Variants in ZYG11A observed in about 807,000 individuals in gnomAD.
The protein encoded by ZYG11A is protein zyg-11 homolog A.
Under a neutral mutation model 77.2 loss-of-function variants are expected in ZYG11A, and 62 were observed. The ratio of observed to expected loss-of-function variants is 0.80; its 90% CI spans 0.65 to 0.99. ZYG11A has a LOEUF of 0.99. ZYG11A is among the 50% of genes least tolerant of loss of function. The pLI, the probability that ZYG11A is intolerant of heterozygous loss-of-function variation, is 0.00. For missense variants in ZYG11A, 828 were observed against 896.8 expected, an observed-to-expected ratio of 0.92 and a Z score of 0.98; for synonymous variants, 315 against 324.6, an observed-to-expected ratio of 0.97 and a Z score of 0.32.
intron 4 of ZYG11A, among the ~76,000 whole-genome samples, chr1:52,862,292 G>A (rs72897312): frequency 0.018 from 2,799 of 151,350 alleles, 59 homozygotes; most frequent in African/African-American, 0.063. Flanking sequence ...GGAGGACTAC[G>A]TGAGCCCAGG....
Position 52,867,876 on chromosome 1 carries a change from G to A in ZYG11A, c.1542+99G>A, listed in dbSNP as rs978366967. The A allele has an allele frequency of 7.0e-6, 7 of 1,005,548 alleles. No individual in the cohort carries two copies. In the South Asian group the frequency reaches 9.4e-5, roughly 13 times the overall value. 62.3% of individuals were successfully genotyped at this position (1,005,548 alleles called of 1,614,324 possible). On this transcript the variant is annotated intron_variant, in intron 8 of 13. Transcript: ENST00000371528. ...CAAATCATTCCAAAAGGCCTATTAA[G>A]GTGAGAAATCTGTAAGACTTTCTCC...
Position 52,886,946 on chromosome 1 carries a change from T to C in ZYG11A, c.2007-10T>C, listed in dbSNP as rs767173137. On this transcript the variant is annotated splice_polypyrimidine_tract_variant and intron_variant, in intron 12 of 13. Coordinates refer to ENST00000371528, the MANE Select transcript of ZYG11A (RefSeq NM_001004339.3). ...CTGGATTAACATCTTTGTACTTTTT[T>C]TTGTTTTAGATCTTTCAAGACATTT... 1 of 1,498,262 alleles carries C rather than the reference T, an allele frequency of 6.7e-7. No homozygotes were observed. The highest frequency in any genetic ancestry group is 9.1e-7 in the Non-Finnish European group (1 of 1,099,726). The allele number at this position is 1,498,262 out of a possible 1,614,324, so 92.8% of individuals were successfully genotyped here. A position where few individuals can be genotyped will look rare whatever the true frequency, so the allele number is the denominator to read the frequency against.
chr1:52,873,077 T>TG (rs1463963424), intron 8 of ZYG11A, among the ~76,000 whole-genome samples: 1 of 151,860 alleles, frequency 6.6e-6, no homozygotes, highest in Non-Finnish European at 1.5e-5. Context: ...CCTAGCACTT[T>TG]GGGAGGCCAA....
chr1:52,872,158 A>G (rs539199171), intron 8 of ZYG11A, among the ~76,000 whole-genome samples: 45 of 151,920 alleles, frequency 3.0e-4, no homozygotes, highest in African/African-American at 9.7e-4. Flanking sequence ...AGAGTCTGCA[A>G]TGGCTCAATC....
At position 52,864,064 on chromosome 1, in the gene ZYG11A, C is replaced by A; in HGVS notation, c.1233C>A (p.Arg411=). 1 of 1,551,880 alleles carries A rather than the reference C, an allele frequency of 6.4e-7. No homozygotes were observed. Among genetic ancestry groups the A allele is most frequent in the South Asian group, 1.2e-5 (1 of 84,064 alleles). The part of the protein sequence containing the change: ...TASACALNLT[R]QGLAKGMPVR... ...GTGCTTGCGCTCTCAACCTAACACG[C>A]CAGGGCCTGGCCAAGGGGATGCCTG... The change falls in exon 5 of 14, where the codon CGC becomes CGA. Residue 411 remains arginine (R), a synonymous_variant. Transcript: ENST00000371528.
chr1:52,855,193 GTAGTCTTGTTT>G (rs71044430), intron 2 of ZYG11A, among the ~76,000 whole-genome samples: 71,412 of 151,436 alleles, frequency 0.47, 18,203 homozygotes, highest in Non-Finnish European at 0.59. Context: ...TGCTCTTGCT[GTAGTCTTGTTT>G]ACCATTCTTT....
chr1:52,893,816 T>C lies in ZYG11A; in HGVS notation c.*859T>C, dbSNP rs1328891539. On this transcript the variant is annotated 3_prime_UTR_variant, in exon 14 of 14. Transcript: ENST00000371528. ...GAAATATATTTTTTTACCTTTTTTT[T>C]TTTTTTTTTTTTTGTGACGGAATCT... The C allele has an allele frequency of 1.4e-5, 2 of 141,186 alleles. No individual in the cohort carries two copies. Among genetic ancestry groups the C allele is most frequent in the Non-Finnish European group, 3.1e-5 (2 of 64,650 alleles). The allele number at this position is 141,186 out of a possible 1,614,324, so 8.7% of individuals were successfully genotyped here.
Position 52,857,691 on chromosome 1 carries a change from G to A in ZYG11A, c.950G>A (p.Gly317Glu). ...IRLRPAMQFV[G>E]LLATDAGSSD... The stretch of plus-strand genomic sequence containing the variant: ...CTGCGGCCTGCCATGCAATTTGTGG[G>A]ACTATTGGCCACGGATGCTGGCTCT... The change falls in exon 3 of 14, where the codon GGA becomes GAA. Residue 317 changes from glycine to glutamate, a missense_variant. Transcript: ENST00000371528. 6.4e-7 allele frequency: 1 copy of A among 1,552,174 alleles called. No homozygotes were observed.
intron 8 of ZYG11A, among the ~76,000 whole-genome samples, chr1:52,874,602 C>T (rs1402764304): frequency 1.7e-4 from 26 of 152,146 alleles, no homozygotes; most frequent in Admixed American, 1.7e-3. Flanking sequence ...TGTGGTGGCT[C>T]ATGCCTGTAA....
chr1:52,845,537 T>G (rs1212177633), intron 1 of ZYG11A, among the ~76,000 whole-genome samples: 1 of 151,994 alleles, frequency 6.6e-6, no homozygotes, highest in Non-Finnish European at 1.5e-5. Flanking sequence ...TTGCCCAGGC[T>G]GGTCCTGAAC....
chr1:52,861,485 G>A lies in ZYG11A; in HGVS notation c.1149+614G>A, dbSNP rs188265751. Among the ~76,000 whole-genome samples the A allele has an allele frequency of 2.5e-3, 383 of 152,064 alleles. 2 individuals carry two copies. The highest frequency in any genetic ancestry group is 8.8e-3 in the African/African-American group (366 of 41,502). On this transcript the variant is annotated intron_variant, in intron 4 of 13. Transcript: ENST00000371528. ...TGGGAGGCCGAAGCGGGTGGATCAC[G>A]AGGTCAAGAGATTGAGACCATCCTG...
chr1:52,886,084 C>T (rs1391264902), intron 12 of ZYG11A, among the ~76,000 whole-genome samples, 190 bp downstream of exon 12: 3 of 152,130 alleles, frequency 2.0e-5, no homozygotes, highest in Non-Finnish European at 4.4e-5. Flanking sequence ...AGGCACCCGC[C>T]ACCATGCCCG....
intron 3 of ZYG11A, among the ~76,000 whole-genome samples, chr1:52,858,124 T>C (rs1376661685): frequency 6.7e-6 from 1 of 149,792 alleles, no homozygotes; most frequent in African/African-American, 2.4e-5. Flanking sequence ...AGGCTGGGCA[T>C]GGTGGCTCAC....
At chr1:52,868,199 C>T (rs913849866) in intron 8 of ZYG11A, among the ~76,000 whole-genome samples, 3 of 151,696 alleles carry the variant, frequency 2.0e-5, no homozygotes, top group Non-Finnish European at 2.9e-5. Flanking sequence ...CTCCTGACCT[C>T]GTGATCTGCG....
intron 11 of ZYG11A, among the ~76,000 whole-genome samples, chr1:52,884,436 C>T (rs1646412528): frequency 6.7e-6 from 1 of 148,864 alleles, no homozygotes; most frequent in African/African-American, 2.5e-5. Flanking sequence ...GTGGAGCTTG[C>T]AGTGAGCCGA....
intron 12 of ZYG11A, 26 bp from the exon 13 acceptor site, chr1:52,886,930 C>T (rs751372561): frequency 3.5e-5 from 44 of 1,269,424 alleles, no homozygotes; most frequent in Middle Eastern, 1.9e-4. Flanking sequence ...TCTGGATTAA[C>T]ATCTTTGTAC....
intron 13 of ZYG11A, among the ~76,000 whole-genome samples, chr1:52,891,608 TC>T (rs1362617663): frequency 6.6e-6 from 1 of 151,850 alleles, no homozygotes; most frequent in Non-Finnish European, 1.5e-5. Flanking sequence ...CCTCTCCTAC[TC>T]CCGTATACCC....
intron 1 of ZYG11A, among the ~76,000 whole-genome samples, chr1:52,849,740 T>C (rs1645669930): frequency 6.6e-6 from 1 of 150,618 alleles, no homozygotes; most frequent in African/African-American, 2.4e-5. Context: ...TGGAGTGCAG[T>C]GGCGCGATCT....
Position 52,877,844 on chromosome 1 carries a change from G to T in ZYG11A, c.1704+1G>T. The T allele has an allele frequency of 2.6e-6, 4 of 1,551,306 alleles. No homozygotes were observed. The highest frequency in any genetic ancestry group is 3.5e-6 in the Non-Finnish European group (4 of 1,146,914). On this transcript the variant is annotated splice_donor_variant, in intron 9 of 13. Coordinates refer to ENST00000371528, the MANE Select transcript of ZYG11A (RefSeq NM_001004339.3). LOFTEE classifies it high-confidence loss of function. ...GCAAATCTTCATCCAAGTCTTGGAGGTGGGAAGACAGGATTGAGTTTATAT... is the reference window on the plus strand; with the variant it reads ...GCAAATCTTCATCCAAGTCTTGGAGTTGGGAAGACAGGATTGAGTTTATAT...
Sources: gnomAD v4.1 joint callset for allele counts (sites outside exome capture counted in the v4.1 genomes callset) on GRCh38, gnomAD v4.1.1 for gene constraint, MANE v1.5 for transcripts, NCBI Gene and HGNC (gene_info 2026-07-23, HGNC 2026-07-21) for gene names.